Variants in AMOTL1 observed in about 807,000 individuals in gnomAD.
AMOTL1 encodes angiomotin-like protein 1.
AMOTL1 carries 45 observed loss-of-function variants against 102.9 expected under a neutral mutation model. That is an observed-to-expected ratio of 0.44 (90% CI 0.34 to 0.56). The LOEUF (loss-of-function observed/expected upper bound fraction) is 0.56. Ranked by LOEUF, AMOTL1 falls within the 20% of genes least tolerant of loss-of-function variation. The probability of loss-of-function intolerance (pLI) is 0.01; values close to 1 mark genes in which losing one functional copy is unlikely to be tolerated. For synonymous variants in AMOTL1, 481 were observed against 484.7 expected (o/e 0.99, Z 0.10); for missense variants, 1,114 against 1,225.6 (o/e 0.91, Z 1.36).
At chr11:94,807,148 C>T (rs923721850) in intron 3 of AMOTL1, among the ~76,000 whole-genome samples, 13 of 152,158 alleles carry the variant, frequency 8.5e-5, no homozygotes, top group Middle Eastern at 6.8e-3. Flanking sequence ...ACTCCCATTC[C>T]GCCCCCCAAA....
chr11:94,786,482 T>C (rs1292249049), intron 1 of AMOTL1, among the ~76,000 whole-genome samples: 2 of 152,222 alleles, frequency 1.3e-5, no homozygotes, highest in Non-Finnish European at 2.9e-5. Flanking sequence ...AGGACCTGCC[T>C]GTGGGGGCTG....
chr11:94,814,523 G>A (rs552856590), intron 3 of AMOTL1, among the ~76,000 whole-genome samples: 6 of 152,200 alleles, frequency 3.9e-5, no homozygotes, highest in African/African-American at 9.7e-5. Flanking sequence ...CGAGGGAGAA[G>A]GAGTGTCAGA....
intron 6 of AMOTL1, among the ~76,000 whole-genome samples, chr11:94,834,261 A>G (rs1045771777): frequency 6.6e-6 from 1 of 152,076 alleles, no homozygotes; most frequent in African/African-American, 2.4e-5. Context: ...GGATTCTAGC[A>G]CTTGGTTAGA....
chr11:94,801,258 TCAGA>T (rs1951473231), intron 3 of AMOTL1, among the ~76,000 whole-genome samples: 1 of 152,150 alleles, frequency 6.6e-6, no homozygotes, highest in African/African-American at 2.4e-5. Flanking sequence ...TGCCGTGTCT[TCAGA>T]CAAAGAGGTC....
intron 6 of AMOTL1, among the ~76,000 whole-genome samples, chr11:94,849,003 G>A (rs562577096): frequency 3.6e-4 from 55 of 152,330 alleles, no homozygotes; most frequent in African/African-American, 1.3e-3. Context: ...GGGTTGCTAG[G>A]ATTGAGATAG....
chr11:94,859,763 T>C (rs764222705), intron 9 of AMOTL1, 48 bp downstream of exon 9: 3 of 1,520,430 alleles, frequency 2.0e-6, no homozygotes, highest in Admixed American at 2.1e-5. Flanking sequence ...GTTAAAAAAA[T>C]CAAAACAAAA....
intron 6 of AMOTL1, among the ~76,000 whole-genome samples, chr11:94,840,652 ACG>A (rs1424969102): frequency 3.9e-5 from 5 of 128,010 alleles, no homozygotes; most frequent in Non-Finnish European, 6.3e-5. Flanking sequence ...CACTTAAAAA[ACG>A]TATATATATA....
chr11:94,769,782 T>A (rs1950918309), intron 1 of AMOTL1, among the ~76,000 whole-genome samples: 1 of 152,062 alleles, frequency 6.6e-6, no homozygotes, highest in Non-Finnish European at 1.5e-5. Context: ...CCTTTCTCTG[T>A]GAGGCCTTGG....
Position 94,869,390 on chromosome 11 carries a change from C to T in AMOTL1, c.2681C>T (p.Pro894Leu), listed in dbSNP as rs1248001251. ...ELFWPSMASLPSRGRLSTTPA... is the reference protein window; with the variant it reads ...ELFWPSMASLLSRGRLSTTPA... ...TTCTGGCCCAGCATGGCCTCCCTTC[C>T]CAGCCGCGGCCGGCTGAGCACGACC... Residue 894 changes from proline (P) to leucine (L), a missense_variant, in exon 12 of 13, where the codon CCC becomes CTC. Coordinates refer to ENST00000433060, the MANE Select transcript of AMOTL1 (RefSeq NM_130847.3). 3 of 1,605,790 alleles carry T rather than the reference C, an allele frequency of 1.9e-6. No individual in the cohort carries two copies. Among genetic ancestry groups the T allele is most frequent in the South Asian group, 2.2e-5 (2 of 89,432 alleles).
chr11:94,812,911 A>G (rs1454549096), intron 3 of AMOTL1, among the ~76,000 whole-genome samples: 1 of 152,144 alleles, frequency 6.6e-6, no homozygotes, highest in Non-Finnish European at 1.5e-5. Flanking sequence ...GAAATCCCAA[A>G]TCATCCACAT....
chr11:94,818,670 A>T (rs1250003240), intron 3 of AMOTL1, among the ~76,000 whole-genome samples: 1 of 152,190 alleles, frequency 6.6e-6, no homozygotes, highest in Non-Finnish European at 1.5e-5. Context: ...GTCTTGTCTA[A>T]TGTTTTTCAA....
At chr11:94,782,888 C>T (rs1476579364) in intron 1 of AMOTL1, among the ~76,000 whole-genome samples, 1 of 152,176 alleles carries the variant, frequency 6.6e-6, no homozygotes, top group African/African-American at 2.4e-5. Context: ...TAAAAAAATT[C>T]TCACTTCGTT....
chr11:94,708,150 A>C (rs755126742), intron 1 of AMOTL1, among the ~76,000 whole-genome samples: 9 of 152,138 alleles, frequency 5.9e-5, no homozygotes, highest in Non-Finnish European at 8.8e-5. Context: ...TTATCCCCTT[A>C]GCTCGTCCCC....
chr11:94,837,536 C>T (rs1279763799), intron 6 of AMOTL1, among the ~76,000 whole-genome samples: 1 of 152,136 alleles, frequency 6.6e-6, no homozygotes, highest in African/African-American at 2.4e-5. Context: ...GTGCTTAAGC[C>T]CACTTGATCA....
At chr11:94,745,017 T>C (rs1950574103) in intron 3 of AMOTL1, among the ~76,000 whole-genome samples, 1 of 152,226 alleles carries the variant, frequency 6.6e-6, no homozygotes, top group Non-Finnish European at 1.5e-5. Context: ...TCCCAGGGAA[T>C]GCCTTCCTTG....
intron 6 of AMOTL1, among the ~76,000 whole-genome samples, chr11:94,845,344 G>A (rs1423425783): frequency 2.6e-5 from 4 of 152,276 alleles, no homozygotes; most frequent in South Asian, 2.1e-4. Context: ...GGAGACTAAC[G>A]TACGGGTGGA....
Position 94,876,220 on chromosome 11 carries a change from G to A in AMOTL1, c.*5425G>A, listed in dbSNP as rs1953092048. On this transcript the variant is annotated 3_prime_UTR_variant, in exon 13 of 13. Transcript: ENST00000433060. ...ACATTGGTTTTATTTGAATCAAGGTGTTTTTTTGTTTTTTGTTTTTTTTCC... is the reference window on the plus strand; with the variant it reads ...ACATTGGTTTTATTTGAATCAAGGTATTTTTTTGTTTTTTGTTTTTTTTCC... 1 of 152,556 alleles carries A rather than the reference G, an allele frequency of 6.6e-6. No individual in the cohort carries two copies. The highest frequency in any genetic ancestry group is 1.5e-5 in the Non-Finnish European group (1 of 68,022). The allele number at this position is 152,556 out of a possible 1,614,324, so 9.5% of individuals were successfully genotyped here. A position where few individuals can be genotyped will look rare whatever the true frequency, so the allele number is the denominator to read the frequency against.
At chr11:94,809,792 T>C (rs1364563424) in intron 3 of AMOTL1, among the ~76,000 whole-genome samples, 2 of 152,238 alleles carry the variant, frequency 1.3e-5, no homozygotes, top group Non-Finnish European at 2.9e-5. Context: ...TAAAACTAGC[T>C]TATTTATTAA....
intron 3 of AMOTL1, among the ~76,000 whole-genome samples, chr11:94,755,789 G>A (rs1294539899): frequency 1.3e-5 from 2 of 152,144 alleles, no homozygotes; most frequent in African/African-American, 2.4e-5. Context: ...TACAGCTCCC[G>A]AAGCCCCAGT....
Sources: gnomAD v4.1 joint callset for allele counts (sites outside exome capture counted in the v4.1 genomes callset) on GRCh38, gnomAD v4.1.1 for gene constraint, MANE v1.5 for transcripts, NCBI Gene and HGNC (gene_info 2026-07-23, HGNC 2026-07-21) for gene names.